The following BEND3 variants were observed in gnomAD, a reference collection of about 807,000 sequenced individuals.
The protein encoded by BEND3 is BEN domain-containing protein 3.
Under a neutral mutation model 60.1 loss-of-function variants are expected in BEND3, and 13 were observed. The ratio of observed to expected loss-of-function variants is 0.22; its 90% confidence interval spans 0.14 to 0.34. The LOEUF is 0.34. Ranked by LOEUF, BEND3 falls within the 10% of genes least tolerant of loss-of-function variation. The pLI, the probability that BEND3 is intolerant of heterozygous loss-of-function variation, is 1.00. For missense variants in BEND3, 896 were observed against 1,138.1 expected (o/e 0.79, Z 3.06); for synonymous variants, 497 against 491.5 (o/e 1.01, Z -0.15).
Position 107,069,150 on chromosome 6 carries a change from G to A in BEND3, c.2041C>T (p.Arg681Trp), listed in dbSNP as rs1554231348. The A allele has an allele frequency of 6.8e-6, 11 of 1,612,640 alleles. No homozygotes were observed. Among genetic ancestry groups the A allele is most frequent in the East Asian group, 4.5e-5 (2 of 44,864 alleles). ...AGTGGGGGCCCCTCAAACTCCTCCC[G>A]GAACCTCTCGGGGTTGATTGCATAG... ...TSYAINPERF[R>W]EEFEGPPLPP... The change falls in exon 4 of 4, where the codon CGG becomes TGG. Residue 681 changes from arginine to tryptophan, a missense_variant. By Grantham distance (101) the Arg-to-Trp change is moderately radical (BLOSUM62 -3). Coordinates refer to ENST00000369042, the MANE Select transcript of BEND3 (RefSeq NM_001367314.1).
rs1427725206 is a variant in BEND3, at chr6:107,068,097, C to T, written c.*607G>A. The T allele has an allele frequency of 1.3e-5, 2 of 152,500 alleles. No homozygotes were observed. Among genetic ancestry groups the T allele is most frequent in the Admixed American group, 6.5e-5 (1 of 15,294 alleles). The allele number at this position is 152,500 out of a possible 1,614,324, so 9.4% of individuals were successfully genotyped here. Reference sequence around the variant, plus strand: ...GCATGTGGTCGTAAAGGACTTCGCACTATTCCATCCCCTCTACTGCCATCC... The same window carrying T: ...GCATGTGGTCGTAAAGGACTTCGCATTATTCCATCCCCTCTACTGCCATCC... On this transcript the variant is annotated 3_prime_UTR_variant, in exon 4 of 4. Transcript: ENST00000369042. The surrounding 1 kb of genome is among the most constrained non-coding windows in gnomAD (Gnocchi z 5.8).
rs922455426 is a variant in BEND3, at chr6:107,104,293, A to C, written c.-11-4997T>G. 2.7e-3 allele frequency among the ~76,000 whole-genome samples: 412 copies of C among 150,530 alleles called. 1 individual carries two copies. Among genetic ancestry groups the C allele is most frequent in the African/African-American group, 9.2e-3 (379 of 41,396 alleles). On this transcript the variant is annotated intron_variant, in intron 1 of 3. Transcript: ENST00000369042. ...CGACAGAGCGAGACTCCGTCTCAAAAAAAAAAAAAAAAAAAGGAAGAACCA... is the reference window on the plus strand; with the variant it reads ...CGACAGAGCGAGACTCCGTCTCAAACAAAAAAAAAAAAAAAGGAAGAACCA...
In BEND3 at chr6:107,112,747, G is replaced by T. The variant is rs141254637; in HGVS notation, c.-12+2343C>A. Among the ~76,000 whole-genome samples the T allele has an allele frequency of 8.6e-3, 1,305 of 152,036 alleles. 24 individuals are homozygous for T. The highest frequency in any genetic ancestry group is 0.03 in the African/African-American group (1,248 of 41,434). On this transcript the variant is annotated intron_variant, in intron 1 of 3. Coordinates refer to ENST00000369042, the MANE Select transcript of BEND3 (RefSeq NM_001367314.1). ...GCGCGCCTATAATCCCAGTTACTTGGGAGGCTGAGGCAGGAGAATCACTTG... is the reference window on the plus strand; with the variant it reads ...GCGCGCCTATAATCCCAGTTACTTGTGAGGCTGAGGCAGGAGAATCACTTG...
rs782641596 is a variant in BEND3, at chr6:107,070,048, G to T, written c.1143C>A (p.Asp381Glu). The change falls in exon 4 of 4, where the codon GAC becomes GAA. Residue 381 changes from aspartate to glutamate, a missense_variant. By Grantham distance (45) the Asp-to-Glu change is conservative. Coordinates refer to ENST00000369042, the MANE Select transcript of BEND3 (RefSeq NM_001367314.1). The surrounding 1 kb of genome is among the most constrained non-coding windows in gnomAD (Gnocchi z 6.9). ...GGTCTGAGGCGATGGTGCTGCTCCG[G>T]TCAAGAGACAGGGCCTCCTCCTGGT... is the stretch of plus-strand genomic sequence containing the variant. ...NKDQEEALSL[D>E]RSSTIASDHV... 6.2e-7 allele frequency: 1 copy of T among 1,613,602 alleles called. No individual in the cohort carries two copies. The highest frequency in any genetic ancestry group is 8.5e-7 in the Non-Finnish European group (1 of 1,180,018).
In BEND3 at chr6:107,075,914, A is replaced by G. The variant is rs76674481; in HGVS notation, c.241-4964T>C. Among the ~76,000 whole-genome samples the G allele has an allele frequency of 6.7e-3, 1,016 of 152,334 alleles. 11 individuals carry two copies. Among genetic ancestry groups the G allele is most frequent in the African/African-American group, 0.023 (975 of 41,578 alleles). ...ACATTGAAACTGGGAAACCCCCCAT[A>G]ACTCTCAATATTCAGCCTCATTAAT... On this transcript the variant is annotated intron_variant, in intron 3 of 3. Transcript: ENST00000369042.
intron 3 of BEND3, among the ~76,000 whole-genome samples, chr6:107,072,165 G>A (rs1165076941): frequency 6.6e-6 from 1 of 152,236 alleles, no homozygotes; most frequent in Non-Finnish European, 1.5e-5. Context: ...TGCTCCCACT[G>A]ACAGGCATGT....
intron 1 of BEND3, among the ~76,000 whole-genome samples, chr6:107,102,943 G>A (rs1281138981): frequency 2.6e-5 from 4 of 152,180 alleles, no homozygotes; most frequent in South Asian, 2.1e-4. Flanking sequence ...GCTTCAAATC[G>A]AGTCTTTCTG....
At chr6:107,072,499 A>T (rs1187185971) in intron 3 of BEND3, among the ~76,000 whole-genome samples, 2 of 152,194 alleles carry the variant, frequency 1.3e-5, no homozygotes, top group African/African-American at 4.8e-5. Flanking sequence ...AGCACAAAAC[A>T]GTGCATGAGG....
intron 3 of BEND3, among the ~76,000 whole-genome samples, chr6:107,097,261 G>A (rs1299727581): frequency 1.3e-5 from 2 of 151,898 alleles, no homozygotes; most frequent in Non-Finnish European, 2.9e-5. Context: ...CAGCTACTCG[G>A]GAGGCTGAGG....
intron 3 of BEND3, among the ~76,000 whole-genome samples, chr6:107,089,459 G>C (rs1176118626): frequency 6.6e-6 from 1 of 151,224 alleles, no homozygotes; most frequent in Non-Finnish European, 1.5e-5. Context: ...GGTGACGGGC[G>C]CCTGTAGTCC....
At chr6:107,094,605 G>A (rs1410615748) in intron 3 of BEND3, among the ~76,000 whole-genome samples, 1 of 149,622 alleles carries the variant, frequency 6.7e-6, no homozygotes, top group Non-Finnish European at 1.5e-5. Context: ...TGGGCAACAA[G>A]AGCAAAACTC....
chr6:107,098,349 A>G (rs896135435), intron 3 of BEND3, among the ~76,000 whole-genome samples: 6 of 152,220 alleles, frequency 3.9e-5, no homozygotes, highest in African/African-American at 1.4e-4. Context: ...TTTACCCACC[A>G]GGAATCCCAA....
rs148698842 is a variant in BEND3 at position 107,068,740 on chromosome 6, G to A, written c.2451C>T (p.Cys817=). Residue 817 remains cysteine, a synonymous_variant, in exon 4 of 4, where the codon TGC becomes TGT. Coordinates refer to ENST00000369042, the MANE Select transcript of BEND3 (RefSeq NM_001367314.1). This position sits in a 1 kb window ranked among gnomAD's most constrained non-coding sequence, Gnocchi z 5.8. ...ERCRRPNRKK[C]DILKKAKKVE... ...CTTTCTTTGCTTTCTTGAGGATGTC[G>A]CATTTTTTCCTGTTGGGGCGGCGGC... The A allele has an allele frequency of 1.7e-5, 28 of 1,613,668 alleles. No homozygotes were observed. Among genetic ancestry groups the A allele is most frequent in the South Asian group, 2.2e-5 (2 of 91,064 alleles).
chr6:107,109,461 G>A lies in BEND3; in HGVS notation c.-12+5629C>T, dbSNP rs1203049788. On this transcript the variant is annotated intron_variant, in intron 1 of 3. Transcript: ENST00000369042. ...CTGTCTCAAAAAAAAAAAAAAAATC[G>A]AGGTGGGGCAGGCATAGTGGCTTAC... 1.7e-3 allele frequency among the ~76,000 whole-genome samples: 49 copies of A among 29,072 alleles called. 1 individual carries two copies. Among genetic ancestry groups the A allele is most frequent in the African/African-American group, 3.0e-3 (37 of 12,396 alleles). The allele number at this position is 29,072 out of a possible 152,430, so 19.1% of individuals were successfully genotyped here. A position where few individuals can be genotyped will look rare whatever the true frequency, so the allele number is the denominator to read the frequency against.
Position 107,069,906 on chromosome 6 carries a change from C to T in BEND3, c.1285G>A (p.Gly429Ser). 1 of 1,613,812 alleles carries T rather than the reference C, an allele frequency of 6.2e-7. No homozygotes were observed. Among genetic ancestry groups the T allele is most frequent in the Non-Finnish European group, 8.5e-7 (1 of 1,179,990 alleles). Residue 429 changes from glycine to serine, a missense_variant, in exon 4 of 4, where the codon GGT becomes AGT. Around this residue, in one of 4 missense-constraint regions of BEND3, gnomAD observed 846 missense variants for 1,036.7 expected, o/e 0.82. Coordinates refer to ENST00000369042, the MANE Select transcript of BEND3 (RefSeq NM_001367314.1). ...FPELFDHRKL[G>S]EQYSCYGDGG... ...TCCCCGTAGCAGCTGTACTGTTCAC[C>T]CAGCTTGCGGTGGTCGAAGAGCTCG...
chr6:107,081,062 C>G (rs1582649182), intron 3 of BEND3, among the ~76,000 whole-genome samples: 1 of 152,034 alleles, frequency 6.6e-6, no homozygotes, highest in Non-Finnish European at 1.5e-5. Context: ...TCAGGTGATC[C>G]TCCCACCTCA....
intron 3 of BEND3, among the ~76,000 whole-genome samples, chr6:107,076,741 G>C (rs1340639206): frequency 1.3e-5 from 2 of 152,118 alleles, no homozygotes; most frequent in Non-Finnish European, 2.9e-5. Flanking sequence ...GTGAAACAGT[G>C]GTCAGTTGGG....
intron 3 of BEND3, among the ~76,000 whole-genome samples, chr6:107,082,191 A>G (rs1005106634): frequency 6.6e-6 from 1 of 152,166 alleles, no homozygotes; most frequent in African/African-American, 2.4e-5. Flanking sequence ...AAGCTTGACA[A>G]GCCTGCCCTC....
chr6:107,101,871 T>A (rs1293090603), intron 1 of BEND3, among the ~76,000 whole-genome samples: 1 of 152,144 alleles, frequency 6.6e-6, no homozygotes, highest in East Asian at 1.9e-4. Context: ...ACTGCCATGG[T>A]CACATAACCC....
Sources: gnomAD v4.1 joint callset for allele counts (sites outside exome capture counted in the v4.1 genomes callset) on GRCh38, gnomAD v4.1.1 for gene constraint, gnomAD v4.1.1 regional missense constraint, Gnocchi (gnomAD v3.1) non-coding constraint, MANE v1.5 for transcripts, NCBI Gene and HGNC (gene_info 2026-07-23, HGNC 2026-07-21) for gene names.